The following TPP2 variants were observed in gnomAD, a reference collection of about 807,000 sequenced individuals.
TPP2 encodes the protein tripeptidyl peptidase 2, also known as tripeptidyl-peptidase 2.
A neutral mutation model predicts 155.9 loss-of-function variants in TPP2; 34 were observed. The ratio of observed to expected loss-of-function variants is 0.22; its 90% CI spans 0.17 to 0.29. The LOEUF is 0.29. TPP2 is among the 10% of genes least tolerant of loss of function. The pLI, the probability that TPP2 is intolerant of heterozygous loss-of-function variation, is 1.00. For missense variants in TPP2, 1,028 were observed against 1,522.3 expected (o/e 0.68, Z 5.40); for synonymous variants, 510 against 529.4 (o/e 0.96, Z 0.50).
Position 102,636,282 on chromosome 13 carries a change from T to G in TPP2, c.1568T>G (p.Phe523Cys). 6.2e-7 allele frequency: 1 copy of G among 1,613,904 alleles called. No homozygotes were observed. Among genetic ancestry groups the G allele is most frequent in the Non-Finnish European group, 8.5e-7 (1 of 1,179,912 alleles). Reference sequence around the variant, plus strand: ...ACATCATTTGCTAATAAATTAGGTTTTACTGTTACTGTTGGAAATAACCGT... The same window carrying G: ...ACATCATTTGCTAATAAATTAGGTTGTACTGTTACTGTTGGAAATAACCGT... Reference protein sequence around the residue: ...QNTSFANKLGFTVTVGNNRGI... With the variant: ...QNTSFANKLGCTVTVGNNRGI... The change falls in exon 13 of 30, where the codon TTT (phenylalanine) becomes TGT (cysteine). Residue 523 changes from phenylalanine (F) to cysteine (C), a missense_variant. Coordinates refer to ENST00000376052, the MANE Select transcript of TPP2 (RefSeq NM_001330588.2).
chr13:102,604,762 C>T, intron 1 of TPP2, 31 bp from the exon 2 acceptor site: 1 of 1,599,900 alleles, frequency 6.3e-7, no homozygotes, highest in Non-Finnish European at 8.5e-7. Flanking sequence ...CTAAAATCTA[C>T]CATTCATATT....
chr13:102,602,401 G>GT (rs1170595775), intron 1 of TPP2, among the ~76,000 whole-genome samples: 3 of 151,840 alleles, frequency 2.0e-5, no homozygotes, highest in African/African-American at 7.3e-5. Flanking sequence ...ATGACTTTGA[G>GT]TTTTCTGAGT....
intron 27 of TPP2, among the ~76,000 whole-genome samples, chr13:102,672,961 C>T (rs1195977663): frequency 6.6e-6 from 1 of 152,138 alleles, no homozygotes; most frequent in Non-Finnish European, 1.5e-5. Flanking sequence ...ATTTACATTG[C>T]AAATGTATTG....
At chr13:102,612,756 TAATTA>T (rs1880418828) in intron 2 of TPP2, among the ~76,000 whole-genome samples, 1 of 152,386 alleles carries the variant, frequency 6.6e-6, no homozygotes, top group African/African-American at 2.4e-5. Flanking sequence ...ATCTCATTTA[TAATTA>T]AATTATGTCT....
chr13:102,632,666 T>G (rs1882096768), intron 10 of TPP2, among the ~76,000 whole-genome samples: 1 of 152,220 alleles, frequency 6.6e-6, no homozygotes, highest in Non-Finnish European at 1.5e-5. Context: ...TCCAGTTATT[T>G]TTTCCAATGC....
intron 4 of TPP2, among the ~76,000 whole-genome samples, chr13:102,617,883 A>G (rs74817867): frequency 0.04 from 6,162 of 152,350 alleles, 188 homozygotes; most frequent in Non-Finnish European, 0.058. Context: ...AGCTTCATTT[A>G]CACAACTTTG....
At chr13:102,671,006 G>A (rs558561354) in intron 27 of TPP2, among the ~76,000 whole-genome samples, 1 of 152,302 alleles carries the variant, frequency 6.6e-6, no homozygotes, top group South Asian at 2.1e-4. Context: ...AATTAGGAAA[G>A]TCTTTTCTAA....
At chr13:102,614,024 C>CT in intron 2 of TPP2, 77 bp from the exon 3 acceptor site, 1 of 1,269,834 alleles carries the variant, frequency 7.9e-7, no homozygotes, top group Non-Finnish European at 1.1e-6. Context: ...AAGTAATATA[C>CT]TTTTTTGCTC....
chr13:102,662,011 G>T (rs1367241145), intron 25 of TPP2, among the ~76,000 whole-genome samples: 1 of 152,106 alleles, frequency 6.6e-6, no homozygotes, highest in Admixed American at 6.6e-5. Flanking sequence ...TGGCCAAAAG[G>T]TGGAATGTCC....
intron 10 of TPP2, among the ~76,000 whole-genome samples, chr13:102,632,768 A>G (rs140711724): frequency 1.3e-5 from 2 of 152,372 alleles, no homozygotes; most frequent in East Asian, 1.9e-4. Context: ...TATCTGTGAT[A>G]TGTGCAGGTG....
intron 13 of TPP2, 34 bp from the exon 14 acceptor site, chr13:102,637,048 A>T (rs1395515667): frequency 1.9e-6 from 3 of 1,554,110 alleles, no homozygotes; most frequent in Non-Finnish European, 1.7e-6. Context: ...GGAAAAAAAT[A>T]CTCATCTTTA....
Position 102,648,946 on chromosome 13 carries a change from C to A in TPP2, c.2668C>A (p.Leu890Ile). The A allele has an allele frequency of 6.2e-7, 1 of 1,610,390 alleles. No homozygotes were observed. Residue 890 changes from leucine to isoleucine, a missense_variant, in exon 22 of 30, where the codon CTA becomes ATA. Physicochemically the swap from Leu to Ile is conservative, Grantham distance 5. Around this residue, in one of 7 missense-constraint regions of TPP2, gnomAD observed 179 missense variants for 274.7 expected, o/e 0.65. Coordinates refer to ENST00000376052, the MANE Select transcript of TPP2 (RefSeq NM_001330588.2). ...GGAGAAAGGAGATTATACAATTCGA[C>A]TACAGATTCGCCATGAGCAAATCAG... is the stretch of plus-strand genomic sequence containing the variant. ...KLEKGDYTIR[L>I]QIRHEQISDL...
At chr13:102,663,074 T>C (rs571161635) in intron 25 of TPP2, among the ~76,000 whole-genome samples, 115 of 152,100 alleles carry the variant, frequency 7.6e-4, no homozygotes, top group African/African-American at 2.6e-3. Flanking sequence ...ATATTTTTAT[T>C]TGGATATCTT....
At chr13:102,672,545 C>T (rs1173253690) in intron 27 of TPP2, among the ~76,000 whole-genome samples, 3 of 152,142 alleles carry the variant, frequency 2.0e-5, no homozygotes, top group African/African-American at 7.2e-5. Flanking sequence ...TAACTTTTAC[C>T]CACCACCCTG....
intron 29 of TPP2, 106 bp downstream of exon 29, chr13:102,676,521 G>A: frequency 7.4e-7 from 1 of 1,349,554 alleles, no homozygotes; most frequent in Non-Finnish European, 1.0e-6. Flanking sequence ...TGGTTTTATT[G>A]TGACCAGTTA....
chr13:102,639,276 C>G (rs1243210714), intron 15 of TPP2, among the ~76,000 whole-genome samples: 1 of 151,970 alleles, frequency 6.6e-6, no homozygotes, highest in Admixed American at 6.5e-5. Flanking sequence ...GTACTGGAAA[C>G]CAAGTGGAAA....
chr13:102,652,397 C>CATAT (rs10530428), intron 24 of TPP2, among the ~76,000 whole-genome samples: 51 of 125,448 alleles, frequency 4.1e-4, no homozygotes, highest in Non-Finnish European at 5.5e-4. Context: ...AACATACATA[C>CATAT]ATATATATAT....
chr13:102,629,131 A>T (rs1944654075), intron 8 of TPP2, among the ~76,000 whole-genome samples: 1 of 152,138 alleles, frequency 6.6e-6, no homozygotes, highest in African/African-American at 2.4e-5. Flanking sequence ...TCTACTCATA[A>T]TTGTATGTAC....
In TPP2 at chr13:102,602,866, T is replaced by C. The variant is rs369338938; in HGVS notation, c.166-1927T>C. On this transcript the variant is annotated intron_variant, in intron 1 of 29. Transcript: ENST00000376052. ...TTACTGACAGTTTCTACGGTTTTTA[T>C]GTTTCTGTTTCTTTCTTGAGGATGG... Among the ~76,000 whole-genome samples, 7 of 152,314 alleles carry C rather than the reference T, an allele frequency of 4.6e-5. No homozygotes were observed. In the South Asian group the frequency reaches 8.3e-4, roughly 18 times the overall value.
Sources: allele counts gnomAD v4.1 joint callset (sites outside exome capture counted in the v4.1 genomes callset), GRCh38; gene constraint gnomAD v4.1.1; regional missense constraint gnomAD v4.1.1; transcripts MANE v1.5; gene names NCBI Gene and HGNC (gene_info 2026-07-23, HGNC 2026-07-21).